Variants in SV2C observed in about 807,000 individuals in gnomAD.
SV2C encodes the protein synaptic vesicle glycoprotein 2C.
A neutral mutation model predicts 79.7 loss-of-function variants in SV2C; 49 were observed. The observed-to-expected ratio is 0.61, with a 90% CI of 0.49 to 0.78. SV2C has a LOEUF of 0.78. Among genes scored for constraint, SV2C ranks in the 30% least tolerant of loss-of-function variants. SV2C has a pLI of 0.00. For missense variants in SV2C, 833 were observed against 912.9 expected (o/e 0.91, Z 1.13); for synonymous variants, 334 against 333.2 (o/e 1.00, Z -0.03).
chr5:76,265,069 G>A (rs1363456717), intron 4 of SV2C, among the ~76,000 whole-genome samples: 1 of 152,210 alleles, frequency 6.6e-6, no homozygotes, highest in Non-Finnish European at 1.5e-5. Flanking sequence ...CTTTCCCCCA[G>A]GTGCTCTGTC....
intron 4 of SV2C, among the ~76,000 whole-genome samples, chr5:76,215,504 A>G (rs1744886443): frequency 6.6e-6 from 1 of 152,222 alleles, no homozygotes; most frequent in African/African-American, 2.4e-5. Flanking sequence ...AACTTTACCT[A>G]AAATAGACAA....
chr5:76,266,961 G>C (rs942789766), intron 4 of SV2C, among the ~76,000 whole-genome samples: 2 of 152,178 alleles, frequency 1.3e-5, no homozygotes, highest in African/African-American at 2.4e-5. Context: ...CTTTTCCAGA[G>C]ACACTTCCAA....
intron 2 of SV2C, among the ~76,000 whole-genome samples, chr5:76,161,497 A>G (rs766016756): frequency 4.6e-5 from 7 of 151,950 alleles, no homozygotes; most frequent in Non-Finnish European, 7.4e-5. Flanking sequence ...ATGTCCGGCT[A>G]ATTTTCTTTT....
At chr5:75,977,726 G>A in the SV2C span, among the ~76,000 whole-genome samples, 394 of 152,258 alleles carry the variant, frequency 2.6e-3, 1 homozygote, top group Non-Finnish European at 4.0e-3. Context: ...CACATGCACA[G>A]CCTTCGTGCC....
chr5:76,172,261 G>A (rs1743315276), intron 2 of SV2C, among the ~76,000 whole-genome samples: 2 of 110,602 alleles, frequency 1.8e-5, no homozygotes, highest in Non-Finnish European at 4.0e-5. Context: ...CCCCCCGCCC[G>A]GCCAGCCGCC....
Position 76,132,305 on chromosome 5 carries a change from C to T in SV2C, c.555C>T (p.Ile185=), listed in dbSNP as rs370586925. ...VLPSAETDLC[I]PNSGSGWLGS... The stretch of plus-strand genomic sequence containing the variant: ...CCAGTGCTGAGACAGACCTCTGCAT[C>T]CCAAATTCAGGATCTGGATGGCTAG... The change falls in exon 2 of 13, where the codon ATC becomes ATT. Residue 185 remains isoleucine (I), a synonymous_variant. Transcript: ENST00000502798. 1.9e-6 allele frequency: 3 copies of T among 1,611,472 alleles called. No individual in the cohort carries two copies. The highest frequency in any genetic ancestry group is 2.5e-6 in the Non-Finnish European group (3 of 1,178,448).
chr5:76,298,849 T>C lies in SV2C; in HGVS notation c.1558T>C (p.Cys520Arg). 1 of 1,614,022 alleles carries C rather than the reference T, an allele frequency of 6.2e-7. No homozygotes were observed. The highest frequency in any genetic ancestry group is 8.5e-7 in the Non-Finnish European group (1 of 1,179,906). Residue 520 changes from cysteine to arginine, a missense_variant, in exon 10 of 13, where the codon TGC becomes CGC. Physicochemically the swap from Cys to Arg is radical, Grantham distance 180 (BLOSUM62 -3). Coordinates refer to ENST00000502798, the MANE Select transcript of SV2C (RefSeq NM_014979.4). ...VTFKDSVFKS[C>R]TFEDVTSVNT... ...TTTCAAAGACTCTGTTTTTAAGTCC[T>C]GCACCTTTGAGGATGTAACTTCAGT...
chr5:76,247,617 C>T (rs145260233), intron 4 of SV2C, among the ~76,000 whole-genome samples: 6 of 152,220 alleles, frequency 3.9e-5, no homozygotes, highest in Admixed American at 6.5e-5. Flanking sequence ...CACACAGGAG[C>T]GAATATCAAA....
At chr5:75,960,220 T>G in the SV2C span, among the ~76,000 whole-genome samples, 1 of 152,146 alleles carries the variant, frequency 6.6e-6, no homozygotes, top group East Asian at 1.9e-4. Context: ...TGATTTTTTT[T>G]GCAACTCTAT....
the SV2C span, among the ~76,000 whole-genome samples, chr5:75,908,077 T>C: frequency 3.9e-5 from 6 of 152,208 alleles, no homozygotes; most frequent in African/African-American, 1.4e-4. Flanking sequence ...AAGTTTCCCA[T>C]TTAAAGTACA....
chr5:76,233,037 C>T (rs1321599255), intron 4 of SV2C, among the ~76,000 whole-genome samples: 5 of 141,252 alleles, frequency 3.5e-5, no homozygotes, highest in Non-Finnish European at 5.9e-5. Flanking sequence ...GGCAGTATGG[C>T]CTTTTTCACG....
the SV2C span, among the ~76,000 whole-genome samples, chr5:75,967,551 T>C: frequency 6.6e-6 from 1 of 152,178 alleles, no homozygotes; most frequent in Admixed American, 6.5e-5. Context: ...GAAGGTCCTA[T>C]GCCCACAGAG....
intron 10 of SV2C, among the ~76,000 whole-genome samples, chr5:76,299,610 G>A (rs1747913058): frequency 6.6e-6 from 1 of 152,228 alleles, no homozygotes. Context: ...AATGAATCCA[G>A]CATAACAGCG....
intron 2 of SV2C, among the ~76,000 whole-genome samples, chr5:76,174,714 G>A (rs1365576227): frequency 2.0e-5 from 3 of 152,212 alleles, no homozygotes; most frequent in Non-Finnish European, 2.9e-5. Context: ...TACGCTGCAC[G>A]AAAGCATAGT....
At chr5:75,849,369 A>G in the SV2C span, among the ~76,000 whole-genome samples, 2 of 152,068 alleles carry the variant, frequency 1.3e-5, no homozygotes, top group Non-Finnish European at 2.9e-5. Flanking sequence ...ACACCTACTT[A>G]CAATAGAAAA....
chr5:75,904,509 A>C, the SV2C span, among the ~76,000 whole-genome samples: 1 of 152,136 alleles, frequency 6.6e-6, no homozygotes, highest in Non-Finnish European at 1.5e-5. Flanking sequence ...AATTGATCAG[A>C]GCTGTGAGGA....
chr5:75,896,219 C>A, the SV2C span, among the ~76,000 whole-genome samples: 1 of 141,216 alleles, frequency 7.1e-6, no homozygotes, highest in Non-Finnish European at 1.5e-5. Flanking sequence ...CCCCCGCCCC[C>A]TACCCCACAA....
intron 1 of SV2C, among the ~76,000 whole-genome samples, chr5:76,092,517 G>C (rs561962211): frequency 1.3e-5 from 2 of 152,274 alleles, no homozygotes; most frequent in South Asian, 4.1e-4. Flanking sequence ...AGTGACCTTT[G>C]AGCAGGGGCT....
At position 76,237,991 on chromosome 5, in the gene SV2C, CAT is replaced by C. The variant is rs1491259784; in HGVS notation, c.913+28106_913+28107del. Among the ~76,000 whole-genome samples, 39 of 118,108 alleles carry C rather than the reference CAT, an allele frequency of 3.3e-4. No homozygotes were observed. The Middle Eastern group carries it at 0.013, about 40-fold the overall frequency. 77.5% of individuals were successfully genotyped at this position (118,108 alleles called of 152,430 possible). A position where few individuals can be genotyped will look rare whatever the true frequency, so the allele number is the denominator to read the frequency against. ...ACTAACACACACACACACACACACA[CAT>C]ACATACATACATACATATACACACA... On this transcript the variant is annotated intron_variant, in intron 4 of 12. Coordinates refer to ENST00000502798, the MANE Select transcript of SV2C (RefSeq NM_014979.4).
Sources: gnomAD v4.1 joint callset for allele counts (sites outside exome capture counted in the v4.1 genomes callset) on GRCh38, gnomAD v4.1.1 for gene constraint, MANE v1.5 for transcripts, NCBI Gene and HGNC (gene_info 2026-07-23, HGNC 2026-07-21) for gene names.